The following NXPH1 variants were observed in gnomAD, a reference collection of about 807,000 sequenced individuals.
NXPH1 encodes neurexophilin 1, also known as neurexophilin-1.
NXPH1 carries 5 observed loss-of-function variants against 23.7 expected under a neutral mutation model. The ratio of observed to expected loss-of-function variants is 0.21; its 90% CI spans 0.11 to 0.44. NXPH1 has a LOEUF of 0.44. Among genes scored for constraint, NXPH1 ranks in the 20% least tolerant of loss-of-function variants. NXPH1 has a pLI of 0.99. For synonymous variants in NXPH1, 144 were observed against 122.2 expected (o/e 1.18, Z -1.18); for missense variants, 324 against 321.6 (o/e 1.01, Z -0.06).
At chr7:8,670,810 C>T (rs998377133) in intron 2 of NXPH1, among the ~76,000 whole-genome samples, 8 of 152,164 alleles carry the variant, frequency 5.3e-5, no homozygotes, top group Non-Finnish European at 1.2e-4. Flanking sequence ...GACAGGGTCT[C>T]TTTGTTCCTG....
chr7:8,639,604 C>T (rs905855871), intron 2 of NXPH1, among the ~76,000 whole-genome samples: 1 of 152,198 alleles, frequency 6.6e-6, no homozygotes, highest in African/African-American at 2.4e-5. Flanking sequence ...TGGCTACTTA[C>T]CTAGTGATAT....
intron 2 of NXPH1, among the ~76,000 whole-genome samples, chr7:8,526,305 A>G: frequency 6.6e-6 from 1 of 152,152 alleles, no homozygotes; most frequent in Non-Finnish European, 1.5e-5. Context: ...TAATGCTTGT[A>G]CTTCTATTGT....
chr7:8,687,546 G>T (rs930237602), intron 2 of NXPH1, among the ~76,000 whole-genome samples: 2 of 152,016 alleles, frequency 1.3e-5, no homozygotes, highest in African/African-American at 4.8e-5. Context: ...TTATGTCTCT[G>T]GACATTTTTG....
At chr7:8,663,907 C>T (rs1004861609) in intron 2 of NXPH1, among the ~76,000 whole-genome samples, 1 of 152,054 alleles carries the variant, frequency 6.6e-6, no homozygotes, top group African/African-American at 2.4e-5. Flanking sequence ...TCTTGCTACC[C>T]TTTTTACTGG....
At chr7:8,532,487 T>C (rs1817963535) in intron 2 of NXPH1, among the ~76,000 whole-genome samples, 2 of 142,860 alleles carry the variant, frequency 1.4e-5, no homozygotes, top group African/African-American at 5.1e-5. Context: ...GGGAGGGGGC[T>C]GCTTTTTACA....
intron 2 of NXPH1, among the ~76,000 whole-genome samples, chr7:8,660,801 G>A (rs990789068): frequency 6.6e-5 from 10 of 152,020 alleles, no homozygotes; most frequent in African/African-American, 2.2e-4. Flanking sequence ...ACAAGAACAA[G>A]TTTAAGGTTA....
At chr7:8,506,343 G>A (rs1817522105) in intron 2 of NXPH1, among the ~76,000 whole-genome samples, 1 of 152,060 alleles carries the variant, frequency 6.6e-6, no homozygotes, top group Non-Finnish European at 1.5e-5. Flanking sequence ...AGGAGCAAGG[G>A]ACATGGGTCT....
intron 2 of NXPH1, among the ~76,000 whole-genome samples, chr7:8,682,203 G>T (rs960657790): frequency 1.3e-5 from 2 of 152,144 alleles, no homozygotes; most frequent in South Asian, 4.1e-4. Context: ...GCACAGGTGG[G>T]AAAATAATTC....
intron 2 of NXPH1, among the ~76,000 whole-genome samples, chr7:8,450,249 T>C (rs1388321194): frequency 1.3e-5 from 2 of 152,208 alleles, no homozygotes; most frequent in Non-Finnish European, 2.9e-5. Flanking sequence ...AACTCTAACT[T>C]TCCTGTGGCA....
intron 2 of NXPH1, among the ~76,000 whole-genome samples, chr7:8,595,413 G>A (rs17152024): frequency 0.012 from 1,855 of 151,928 alleles, 33 homozygotes; most frequent in African/African-American, 0.042. Flanking sequence ...CATGTTTACC[G>A]TAAGTTGAAA....
chr7:8,538,288 A>G (rs1818060424), intron 2 of NXPH1, among the ~76,000 whole-genome samples: 1 of 151,878 alleles, frequency 6.6e-6, no homozygotes, highest in Non-Finnish European at 1.5e-5. Flanking sequence ...CAAGCCATTC[A>G]TTTTTCTTCT....
intron 2 of NXPH1, among the ~76,000 whole-genome samples, chr7:8,472,366 C>A (rs1330963516): frequency 6.6e-6 from 1 of 152,138 alleles, no homozygotes; most frequent in Non-Finnish European, 1.5e-5. Flanking sequence ...CTTTGATATT[C>A]ATGATTTCAT....
At chr7:8,649,417 T>C (rs1178062994) in intron 2 of NXPH1, among the ~76,000 whole-genome samples, 1 of 152,178 alleles carries the variant, frequency 6.6e-6, no homozygotes, top group Non-Finnish European at 1.5e-5. Flanking sequence ...AAAATCACCA[T>C]GCCTCTCAAC....
At chr7:8,617,537 A>G (rs1043006197) in intron 2 of NXPH1, among the ~76,000 whole-genome samples, 2 of 152,170 alleles carry the variant, frequency 1.3e-5, no homozygotes, top group African/African-American at 4.8e-5. Flanking sequence ...CGTTACATTA[A>G]GTGAAATAAG....
At chr7:8,539,112 T>C (rs1211396292) in intron 2 of NXPH1, among the ~76,000 whole-genome samples, 1 of 151,904 alleles carries the variant, frequency 6.6e-6, no homozygotes, top group South Asian at 2.1e-4. Flanking sequence ...ACTACCTATG[T>C]AACCATAAAT....
chr7:8,534,947 T>C (rs1335147683), intron 2 of NXPH1, among the ~76,000 whole-genome samples: 2 of 152,092 alleles, frequency 1.3e-5, no homozygotes, highest in Admixed American at 6.6e-5. Context: ...GAATGAAACA[T>C]GAAAGAAAAT....
chr7:8,701,816 C>G (rs553491046), intron 2 of NXPH1, among the ~76,000 whole-genome samples: 2 of 151,966 alleles, frequency 1.3e-5, no homozygotes, highest in South Asian at 4.1e-4. Context: ...TCAGCAGAAC[C>G]AAAATTCTAA....
rs764607448 is a variant in NXPH1, at chr7:8,751,288, C to T, written c.335C>T (p.Thr112Met). ...GCCAAGAGAAGGCCCATTGTTAAAA[C>T]GGGCAAGTTTAAGAAAATGTTTGGA... ...PRAKRRPIVK[T>M]GKFKKMFGWG... Residue 112 changes from threonine (T) to methionine (M), a missense_variant, in exon 3 of 3, where the codon ACG becomes ATG. Coordinates refer to ENST00000405863, the MANE Select transcript of NXPH1 (RefSeq NM_152745.3). This position sits in a 1 kb window ranked among gnomAD's most constrained non-coding sequence, Gnocchi z 4.5. 1.5e-5 allele frequency: 24 copies of T among 1,613,766 alleles called. No homozygotes were observed. The highest frequency in any genetic ancestry group is 8.9e-5 in the East Asian group (4 of 44,900).
intron 2 of NXPH1, among the ~76,000 whole-genome samples, chr7:8,529,477 G>C (rs1292098360): frequency 6.6e-6 from 1 of 152,174 alleles, no homozygotes; most frequent in African/African-American, 2.4e-5. Flanking sequence ...TGGGAGTCAT[G>C]ATAAGGGTTC....
Sources: gnomAD v4.1 joint callset for allele counts (sites outside exome capture counted in the v4.1 genomes callset) on GRCh38, gnomAD v4.1.1 for gene constraint, Gnocchi (gnomAD v3.1) non-coding constraint, MANE v1.5 for transcripts, NCBI Gene and HGNC (gene_info 2026-07-23, HGNC 2026-07-21) for gene names.